SHROOM4: variants seen among roughly 807,000 people sequenced by gnomAD.
SHROOM4 encodes the protein protein Shroom4.
SHROOM4 carries 17 observed loss-of-function variants against 80.3 expected under a neutral mutation model. That is an observed-to-expected ratio of 0.21 (90% confidence interval 0.14 to 0.32). The LOEUF is 0.32. Among genes scored for constraint, SHROOM4 ranks in the 10% least tolerant of loss-of-function variants. The pLI is 1.00. For missense variants in SHROOM4, 993 were observed against 1,140.3 expected, an observed-to-expected ratio of 0.87 and a Z score of 1.86; for synonymous variants, 400 against 437.5, an observed-to-expected ratio of 0.91 and a Z score of 1.07.
chrX:50,586,345 T>C (rs909522249), downstream of SHROOM4, among the ~76,000 whole-genome samples: 5 of 111,997 alleles, frequency 4.5e-5, no homozygotes, highest in African/African-American at 1.6e-4. Context: ...TCCCAGATTT[T>C]TTCCTTTGCA....
At chrX:50,655,803 T>C (rs2147355383) in intron 2 of SHROOM4, among the ~76,000 whole-genome samples, 1 of 110,173 alleles carries the variant, frequency 9.1e-6, no homozygotes, top group South Asian at 3.9e-4. Context: ...TGCTGGCTTA[T>C]ATTATAGTTC....
chrX:50,685,505 G>A (rs1933050372), intron 2 of SHROOM4, among the ~76,000 whole-genome samples: 1 of 112,019 alleles, frequency 8.9e-6, no homozygotes, highest in South Asian at 3.8e-4. Flanking sequence ...TTAAGGCAAA[G>A]GATAGAATCA....
intron 2 of SHROOM4, among the ~76,000 whole-genome samples, chrX:50,659,664 G>A (rs185763686): frequency 4.5e-5 from 5 of 112,193 alleles, no homozygotes; most frequent in South Asian, 3.8e-4. Flanking sequence ...TTAACAGTTT[G>A]TTGTTTATCC....
chrX:50,787,225 GA>G lies in SHROOM4; in HGVS notation c.117+26676del, dbSNP rs57368668. On this transcript the variant is annotated intron_variant, in intron 1 of 8. Transcript: ENST00000376020. ...CAGAGCAAGACCATGTCTCAAAAAA[GA>G]AAAAAAAAAAAACAGAAATCTTGGA... 6.7e-3 allele frequency among the ~76,000 whole-genome samples: 554 copies of G among 82,288 alleles called. 4 individuals carry two copies. The highest frequency in any genetic ancestry group is 8.8e-3 in the Non-Finnish European group (357 of 40,393). The allele number at this position is 82,288 out of a possible 115,157, so 71.5% of individuals were successfully genotyped here. A position where few individuals can be genotyped will look rare whatever the true frequency, so the allele number is the denominator to read the frequency against.
At chrX:50,813,160 T>TGGCGGCGGCAGTGGCGGC (rs1936379496) in intron 1 of SHROOM4, among the ~76,000 whole-genome samples, 2 of 101,999 alleles carry the variant, frequency 2.0e-5, no homozygotes, top group South Asian at 4.5e-4. Flanking sequence ...GCGGCGGCAG[T>TGGCGGCGGCAGTGGCGGC]GGCGGCGGCG....
chrX:50,639,818 A>G (rs1557256832), intron 2 of SHROOM4, among the ~76,000 whole-genome samples: 1 of 111,879 alleles, frequency 8.9e-6, no homozygotes, highest in Non-Finnish European at 1.9e-5. Flanking sequence ...GGGGAAAACA[A>G]GGATTGAGTG....
At chrX:50,576,031 C>T in the SHROOM4 span, among the ~76,000 whole-genome samples, 1 of 111,675 alleles carries the variant, frequency 9.0e-6, no homozygotes, top group East Asian at 2.8e-4. Flanking sequence ...TTTAGGTGGG[C>T]GAATAGAGTT....
chrX:50,795,806 A>G (rs782103294), intron 1 of SHROOM4, among the ~76,000 whole-genome samples: 1 of 112,345 alleles, frequency 8.9e-6, no homozygotes, highest in South Asian at 3.7e-4. Context: ...TTGGATTTCC[A>G]TATGCCTCAT....
At chrX:50,754,074 C>T (rs925860313) in intron 1 of SHROOM4, among the ~76,000 whole-genome samples, 1 of 112,008 alleles carries the variant, frequency 8.9e-6, no homozygotes, top group Non-Finnish European at 1.9e-5. Flanking sequence ...GGTATTCTGC[C>T]CAAAGATAGT....
At chrX:50,581,156 C>T in the SHROOM4 span, among the ~76,000 whole-genome samples, 1 of 111,899 alleles carries the variant, frequency 8.9e-6, no homozygotes, top group Non-Finnish European at 1.9e-5. Context: ...TGTAAAAATG[C>T]TGTGAAGGAA....
chrX:50,700,409 G>C (rs782263293), intron 1 of SHROOM4, among the ~76,000 whole-genome samples: 28 of 112,098 alleles, frequency 2.5e-4, no homozygotes, highest in Non-Finnish European at 4.3e-4. Context: ...TGTAGAGCTA[G>C]GGTTAAGCTG....
intron 1 of SHROOM4, among the ~76,000 whole-genome samples, chrX:50,784,718 AAT>A (rs1557270892): frequency 8.9e-6 from 1 of 112,203 alleles, no homozygotes; most frequent in Non-Finnish European, 1.9e-5. Flanking sequence ...AAATTTCTTA[AAT>A]AGGACACAAA....
At chrX:50,680,513 T>A (rs1349121537) in intron 2 of SHROOM4, among the ~76,000 whole-genome samples, 1 of 111,380 alleles carries the variant, frequency 9.0e-6, no homozygotes, top group South Asian at 3.8e-4. Flanking sequence ...TCTAGACATA[T>A]AAATTAATAT....
At chrX:50,585,146 T>C (rs1362931038), downstream of SHROOM4, among the ~76,000 whole-genome samples, 8 of 111,608 alleles carry the variant, frequency 7.2e-5, no homozygotes, top group Non-Finnish European at 1.5e-4. Context: ...TTCTGAGGTG[T>C]TTACTATGAG....
intron 1 of SHROOM4, among the ~76,000 whole-genome samples, chrX:50,729,683 A>C (rs1230987144): frequency 9.0e-6 from 1 of 111,556 alleles, no homozygotes; most frequent in Non-Finnish European, 1.9e-5. Context: ...CCACACCCAG[A>C]TGCATCATAT....
intron 2 of SHROOM4, among the ~76,000 whole-genome samples, chrX:50,683,236 T>C (rs1437334652): frequency 9.0e-6 from 1 of 111,549 alleles, no homozygotes; most frequent in African/African-American, 3.3e-5. Context: ...GACGAATACA[T>C]TGGAGAAATA....
In SHROOM4 at chrX:50,608,011, C is replaced by T. The variant is rs782020134; in HGVS notation, c.3131G>A (p.Ser1044Asn). 2 of 1,211,791 alleles carry T rather than the reference C, an allele frequency of 1.7e-6. No homozygotes were observed. The highest frequency in any genetic ancestry group is 2.2e-6 in the Non-Finnish European group (2 of 895,531). Residue 1044 changes from serine to asparagine, a missense_variant, in exon 6 of 9, where the codon AGC becomes AAC. Ser to Asn is a conservative substitution (Grantham distance 46). Coordinates refer to ENST00000376020, the MANE Select transcript of SHROOM4 (RefSeq NM_020717.5). ...SEETSVYEEGSSLASMPHPLR... is the reference protein window; with the variant it reads ...SEETSVYEEGNSLASMPHPLR... The stretch of plus-strand genomic sequence containing the variant: ...TGGGTGGGGCATGGAGGCAAGGGAG[C>T]TCCCCTCCTCATAAACTGAAGTTTC...
intron 2 of SHROOM4, among the ~76,000 whole-genome samples, chrX:50,650,031 A>G (rs1261541228): frequency 8.9e-6 from 1 of 112,260 alleles, no homozygotes; most frequent in Non-Finnish European, 1.9e-5. Context: ...GTGCATTTAC[A>G]TGGAGGAATA....
At chrX:50,704,065 TATA>T (rs1933590496) in intron 1 of SHROOM4, among the ~76,000 whole-genome samples, 1 of 111,665 alleles carries the variant, frequency 9.0e-6, no homozygotes, top group African/African-American at 3.3e-5. Flanking sequence ...TTTACCCTTG[TATA>T]GCATTAAAAT....
Sources: gnomAD v4.1 joint callset for allele counts (sites outside exome capture counted in the v4.1 genomes callset) on GRCh38, gnomAD v4.1.1 for gene constraint, MANE v1.5 for transcripts, NCBI Gene and HGNC (gene_info 2026-07-23, HGNC 2026-07-21) for gene names.